The following SECISBP2L variants were observed in gnomAD, a reference collection of about 807,000 sequenced individuals.
SECISBP2L encodes the protein selenocysteine insertion sequence-binding protein 2-like.
In SECISBP2L, 43 loss-of-function variants were observed where a neutral mutation model predicts 114.7. The observed-to-expected ratio is 0.38, with a 90% CI of 0.29 to 0.48. The LOEUF is 0.48. Ranked by LOEUF, SECISBP2L falls within the 20% of genes least tolerant of loss-of-function variation. SECISBP2L has a pLI of 0.98. For missense variants in SECISBP2L, 1,136 were observed against 1,301.1 expected (o/e 0.87, Z 1.95); for synonymous variants, 451 against 439.7 (o/e 1.03, Z -0.32).
intron 17 of SECISBP2L, among the ~76,000 whole-genome samples, chr15:48,993,282 C>T (rs1203694299): frequency 1.3e-5 from 2 of 151,866 alleles, no homozygotes; most frequent in East Asian, 1.9e-4. Context: ...GCCACTGTGC[C>T]CAACCTAATT....
intron 14 of SECISBP2L, among the ~76,000 whole-genome samples, chr15:49,008,186 A>T (rs891278552): frequency 1.3e-5 from 2 of 152,176 alleles, no homozygotes; most frequent in Admixed American, 1.3e-4. Flanking sequence ...GCAAATTTCT[A>T]CTTTTATATT....
intron 16 of SECISBP2L, 92 bp from the exon 17 acceptor site, chr15:48,996,678 G>A: frequency 9.1e-7 from 1 of 1,094,644 alleles, no homozygotes; most frequent in South Asian, 1.5e-5. Context: ...TTTGTTTCAG[G>A]GTCAGACACT....
At chr15:49,042,538 T>C (rs1903162533) in intron 1 of SECISBP2L, 1 of 152,180 alleles carries the variant, frequency 6.6e-6, no homozygotes, top group Non-Finnish European at 1.5e-5. Context: ...AGATACCTGA[T>C]CCACATAGCA....
chr15:49,009,306 G>C lies in SECISBP2L; in HGVS notation c.1937C>G (p.Pro646Arg). Residue 646 changes from proline to arginine, a missense_variant, in exon 14 of 18, where the codon CCT (proline) becomes CGT (arginine). This residue lies in a region of SECISBP2L where 684 missense variants were observed against 848.7 expected (regional missense o/e 0.81). Coordinates refer to ENST00000559471, the MANE Select transcript of SECISBP2L (RefSeq NM_001193489.2). ...ASQNSPYCMT[P>R]VSQGSPASSG... Reference sequence around the variant, plus strand: ...ACTAGCAGGAGAGCCTTGTGACACAGGTGTCATACAGTATGGAGAGTTCTG... The same window carrying C: ...ACTAGCAGGAGAGCCTTGTGACACACGTGTCATACAGTATGGAGAGTTCTG... The C allele has an allele frequency of 6.2e-7, 1 of 1,613,992 alleles. No homozygotes were observed. Among genetic ancestry groups the C allele is most frequent in the Non-Finnish European group, 8.5e-7 (1 of 1,179,850 alleles).
intron 14 of SECISBP2L, among the ~76,000 whole-genome samples, chr15:49,003,811 C>T (rs544411141): frequency 6.6e-6 from 1 of 152,270 alleles, no homozygotes; most frequent in Non-Finnish European, 1.5e-5. Flanking sequence ...GGTCGATAAG[C>T]TTTTTGATGT....
intron 13 of SECISBP2L, among the ~76,000 whole-genome samples, chr15:49,010,898 C>G (rs752808770): frequency 1.3e-5 from 2 of 152,190 alleles, no homozygotes; most frequent in Admixed American, 1.3e-4. Context: ...CATTCCCCAA[C>G]GTCCTCCTGC....
chr15:49,031,183 G>A (rs1212681643), intron 4 of SECISBP2L, among the ~76,000 whole-genome samples: 1 of 151,380 alleles, frequency 6.6e-6, no homozygotes, highest in Admixed American at 6.6e-5. Flanking sequence ...CAGATAGCTA[G>A]ACTACAGGCA....
At chr15:49,031,924 A>G (rs1354672850) in intron 4 of SECISBP2L, among the ~76,000 whole-genome samples, 1 of 152,162 alleles carries the variant, frequency 6.6e-6, no homozygotes, top group Non-Finnish European at 1.5e-5. Context: ...TTAGTAATAT[A>G]TTACATTATG....
At chr15:49,028,350 C>T (rs956204752) in intron 5 of SECISBP2L, 103 bp downstream of exon 5, 83 of 1,130,414 alleles carry the variant, frequency 7.3e-5, no homozygotes, top group Non-Finnish European at 9.9e-5. Context: ...CCTATTACTA[C>T]AGGAATTGCT....
At chr15:49,044,989 ATT>A (rs946417981) in intron 1 of SECISBP2L, among the ~76,000 whole-genome samples, 5 of 152,208 alleles carry the variant, frequency 3.3e-5, no homozygotes, top group African/African-American at 1.2e-4. Context: ...AATCTCAGGT[ATT>A]TATGATAGAT....
At chr15:48,993,042 AACTG>A in intron 17 of SECISBP2L, 116 bp from the exon 18 acceptor site, 1 of 887,826 alleles carries the variant, frequency 1.1e-6, no homozygotes, top group Non-Finnish European at 1.7e-6. Flanking sequence ...TTGGCTTAGA[AACTG>A]ACTGGAAAAA....
At chr15:49,043,907 TA>T (rs1158063365) in intron 1 of SECISBP2L, among the ~76,000 whole-genome samples, 1 of 151,330 alleles carries the variant, frequency 6.6e-6, no homozygotes, top group African/African-American at 2.4e-5. Context: ...TTTTATATAT[TA>T]AAAAAAGGTA....
chr15:49,029,715 C>T (rs192019451), intron 4 of SECISBP2L, among the ~76,000 whole-genome samples: 1 of 152,238 alleles, frequency 6.6e-6, no homozygotes, highest in African/African-American at 2.4e-5. Context: ...TTACTTGATG[C>T]CAAATCATTT....
At position 48,996,358 on chromosome 15, in the gene SECISBP2L, A is replaced by G. The variant is rs1263601337; in HGVS notation, c.2623+9T>C. On this transcript the variant is annotated intron_variant, in intron 17 of 17. Coordinates refer to ENST00000559471, the MANE Select transcript of SECISBP2L (RefSeq NM_001193489.2). ...TTTAAGTCATTTAAAATAGTATTCAACAACTTACCATATTCCTTTTCATTT... is the reference window on the plus strand; with the variant it reads ...TTTAAGTCATTTAAAATAGTATTCAGCAACTTACCATATTCCTTTTCATTT... 5 of 1,611,306 alleles carry G rather than the reference A, an allele frequency of 3.1e-6. No individual in the cohort carries two copies. Among genetic ancestry groups the G allele is most frequent in the Non-Finnish European group, 4.2e-6 (5 of 1,177,784 alleles).
At chr15:49,013,037 A>G (rs1041358222) in intron 11 of SECISBP2L, 2 of 476,140 alleles carry the variant, frequency 4.2e-6, no homozygotes, top group Admixed American at 3.8e-5. Context: ...GAAGTCCATT[A>G]TAGGGGTAAA....
chr15:49,002,367 T>C (rs938633299), intron 14 of SECISBP2L, among the ~76,000 whole-genome samples: 1 of 152,340 alleles, frequency 6.6e-6, no homozygotes, highest in Middle Eastern at 3.4e-3. Context: ...GTCAGATGGA[T>C]AGATTGCAAA....
chr15:49,040,473 T>TGCA (rs951610250), intron 1 of SECISBP2L, among the ~76,000 whole-genome samples: 8 of 150,580 alleles, frequency 5.3e-5, no homozygotes, highest in African/African-American at 1.9e-4. Flanking sequence ...TACATCAAAA[T>TGCA]GCAGCATCTG....
chr15:49,032,530 C>A (rs1342172659), intron 4 of SECISBP2L, among the ~76,000 whole-genome samples: 6 of 152,146 alleles, frequency 3.9e-5, no homozygotes, highest in Admixed American at 3.9e-4. Flanking sequence ...AGGTTTGGTT[C>A]AGATCTATGC....
At chr15:48,994,851 A>AC (rs1902055737) in intron 17 of SECISBP2L, among the ~76,000 whole-genome samples, 1 of 151,990 alleles carries the variant, frequency 6.6e-6, no homozygotes, top group African/African-American at 2.4e-5. Flanking sequence ...GGAAAAAAAA[A>AC]AAAAAAAACA....
Sources: gnomAD v4.1 joint callset for allele counts (sites outside exome capture counted in the v4.1 genomes callset) on GRCh38, gnomAD v4.1.1 for gene constraint, gnomAD v4.1.1 regional missense constraint, MANE v1.5 for transcripts, NCBI Gene and HGNC (gene_info 2026-07-23, HGNC 2026-07-21) for gene names.